Variants in TMC7 observed in about 807,000 individuals in gnomAD.
TMC7 encodes transmembrane channel-like protein 7.
TMC7 carries 54 observed loss-of-function variants against 82.9 expected under a neutral mutation model. The observed-to-expected ratio is 0.65, with a 90% CI of 0.52 to 0.82. The LOEUF is 0.82. TMC7 is among the 40% of genes least tolerant of loss of function. The pLI is 0.00. For synonymous variants in TMC7, 350 were observed against 337.9 expected (o/e 1.04, Z -0.39); for missense variants, 820 against 901.2 (o/e 0.91, Z 1.15).
chr16:19,025,340 G>A (rs1209204352), intron 5 of TMC7, among the ~76,000 whole-genome samples: 1 of 152,018 alleles, frequency 6.6e-6, no homozygotes, highest in Non-Finnish European at 1.5e-5. Flanking sequence ...CATACCGGCC[G>A]GGTGCGGTGG....
chr16:19,003,589 AGG>A (rs1392030060), intron 1 of TMC7, among the ~76,000 whole-genome samples: 23 of 147,192 alleles, frequency 1.6e-4, no homozygotes, highest in Non-Finnish European at 2.7e-4. Context: ...TGGAATAGAA[AGG>A]CGGGAAAGGT....
At chr16:19,050,385 A>AC (rs1961480157) in intron 12 of TMC7, among the ~76,000 whole-genome samples, 1 of 151,470 alleles carries the variant, frequency 6.6e-6, no homozygotes, top group African/African-American at 2.4e-5. Context: ...AAAAAAAAAA[A>AC]AAAAAAACCA....
At chr16:19,004,122 G>A (rs564127230) in intron 1 of TMC7, among the ~76,000 whole-genome samples, 80 of 152,000 alleles carry the variant, frequency 5.3e-4, no homozygotes, top group African/African-American at 1.8e-3. Flanking sequence ...ATGAGGTGAC[G>A]TCATGCTGGG....
At chr16:19,016,696 C>A in intron 3 of TMC7, 98 bp downstream of exon 3, 4 of 1,281,456 alleles carry the variant, frequency 3.1e-6, no homozygotes, top group Non-Finnish European at 4.2e-6. Context: ...TGAAATTGAG[C>A]ATTTCTTTCC....
chr16:19,050,999 G>T (rs1445072899), intron 12 of TMC7, among the ~76,000 whole-genome samples: 1 of 151,966 alleles, frequency 6.6e-6, no homozygotes, highest in Non-Finnish European at 1.5e-5. Flanking sequence ...TGATCCTCCC[G>T]TTCTGACCTC....
intron 1 of TMC7, among the ~76,000 whole-genome samples, chr16:19,001,669 C>T (rs964326430): frequency 1.8e-4 from 27 of 152,126 alleles, no homozygotes; most frequent in Admixed American, 3.3e-4. Context: ...GGCAACAGAG[C>T]AAAACCTTGT....
rs181251728 is a variant in TMC7, at chr16:19,001,809, A to C, written c.68-7363A>C. On this transcript the variant is annotated intron_variant, in intron 1 of 15. Transcript: ENST00000304381. ...TCATCAAAGCACAGAGCAAGTCTTC[A>C]TCTTCTCCAGAGTCCCAACCTCCAG... Among the ~76,000 whole-genome samples, 1,493 of 152,346 alleles carry C rather than the reference A, an allele frequency of 9.8e-3. 33 individuals carry two copies. Among genetic ancestry groups the C allele is most frequent in the African/African-American group, 0.034 (1,409 of 41,582 alleles).
At chr16:19,019,024 A>G (rs1238459868) in intron 3 of TMC7, among the ~76,000 whole-genome samples, 1 of 152,082 alleles carries the variant, frequency 6.6e-6, no homozygotes, top group Non-Finnish European at 1.5e-5. Flanking sequence ...TAATTTTTGT[A>G]TTTTTAGTAG....
intron 13 of TMC7, among the ~76,000 whole-genome samples, chr16:19,055,508 C>A (rs1248061305): frequency 6.6e-6 from 1 of 152,170 alleles, no homozygotes; most frequent in African/African-American, 2.4e-5. Context: ...CAGGCGCCCA[C>A]CACCATGCCC....
chr16:19,015,637 G>A (rs1051038093), intron 2 of TMC7, among the ~76,000 whole-genome samples: 7 of 151,402 alleles, frequency 4.6e-5, no homozygotes, highest in African/African-American at 1.5e-4. Flanking sequence ...TAGTGCAGTG[G>A]CATGATCTCG....
At chr16:19,007,422 T>C (rs115196951) in intron 1 of TMC7, among the ~76,000 whole-genome samples, 2,845 of 152,310 alleles carry the variant, frequency 0.019, 76 homozygotes, top group African/African-American at 0.065. Flanking sequence ...GTGTGGCTCA[T>C]TGGAGGCCAC....
chr16:19,025,742 A>G (rs1960193048), intron 5 of TMC7, among the ~76,000 whole-genome samples: 1 of 152,008 alleles, frequency 6.6e-6, no homozygotes, highest in South Asian at 2.1e-4. Flanking sequence ...TTTGATTTTG[A>G]AAAAGCCCCC....
chr16:19,042,861 C>G (rs1961083791), intron 9 of TMC7, among the ~76,000 whole-genome samples: 1 of 152,114 alleles, frequency 6.6e-6, no homozygotes, highest in Non-Finnish European at 1.5e-5. Context: ...ATTCTCCTGC[C>G]TCAGCCTCCC....
chr16:18,984,074 C>T lies in TMC7; in HGVS notation c.11C>T (p.Ser4Phe), dbSNP rs781173030. The T allele has an allele frequency of 6.7e-7, 1 of 1,499,030 alleles. No homozygotes were observed. Among genetic ancestry groups the T allele is most frequent in the Non-Finnish European group, 8.8e-7 (1 of 1,132,160 alleles). The allele number at this position is 1,499,030 out of a possible 1,614,324, so 92.9% of individuals were successfully genotyped here. ...GCGCGGGGCGCGGCCATGAGCGAGT[C>T]CAGCGGCAGTGCGCTCCAGCCCGGC... Reference protein sequence around the residue: MSESSGSALQPGRP... With the variant: MSEFSGSALQPGRP... Residue 4 changes from serine to phenylalanine, a missense_variant, in exon 1 of 16, where the codon TCC (serine) becomes TTC (phenylalanine). By Grantham distance (155) the Ser-to-Phe change is radical (BLOSUM62 -2). Transcript: ENST00000304381.
chr16:19,058,496 C>A (rs75695464), intron 14 of TMC7, among the ~76,000 whole-genome samples: 3 of 152,340 alleles, frequency 2.0e-5, no homozygotes, highest in African/African-American at 7.2e-5. Context: ...AGAGCCTCCA[C>A]AGTGATCATC....
At chr16:19,023,631 G>A (rs1444266165) in intron 5 of TMC7, among the ~76,000 whole-genome samples, 2 of 152,200 alleles carry the variant, frequency 1.3e-5, no homozygotes, top group East Asian at 3.9e-4. Context: ...ATTTTTAGTA[G>A]AGACGGAGTT....
intron 2 of TMC7, among the ~76,000 whole-genome samples, chr16:19,015,570 GTT>G (rs869231364): frequency 1.1e-4 from 15 of 139,964 alleles, no homozygotes; most frequent in African/African-American, 1.0e-4. Context: ...CTCAAGACAA[GTT>G]TTTTTTTTTT....
At chr16:18,996,866 T>TG (rs1268312879) in intron 1 of TMC7, among the ~76,000 whole-genome samples, 1 of 152,184 alleles carries the variant, frequency 6.6e-6, no homozygotes. Context: ...ATCAGGCAGG[T>TG]GTCCCCGCAG....
intron 14 of TMC7, 114 bp from the exon 15 acceptor site, chr16:19,059,302 G>T (rs1961901768): frequency 4.0e-6 from 6 of 1,517,314 alleles, no homozygotes; most frequent in Non-Finnish European, 5.3e-6. Flanking sequence ...ATCATGCCCA[G>T]CCTTCTTTTC....
Sources: allele counts gnomAD v4.1 joint callset (sites outside exome capture counted in the v4.1 genomes callset), GRCh38; gene constraint gnomAD v4.1.1; transcripts MANE v1.5; gene names NCBI Gene and HGNC (gene_info 2026-07-23, HGNC 2026-07-21).